Variants in HIF1A observed in about 807,000 individuals in gnomAD.
HIF1A encodes hypoxia-inducible factor 1-alpha.
In HIF1A, 24 loss-of-function variants were observed where a neutral mutation model predicts 92.7. The observed-to-expected ratio is 0.26, with a 90% confidence interval of 0.19 to 0.36. HIF1A has a LOEUF of 0.36. Among genes scored for constraint, HIF1A ranks in the 10% least tolerant of loss-of-function variants. HIF1A has a pLI of 1.00. For synonymous variants in HIF1A, 319 were observed against 338.7 expected (o/e 0.94, Z 0.64); for missense variants, 799 against 998.5 (o/e 0.80, Z 2.69).
intron 8 of HIF1A, among the ~76,000 whole-genome samples, chr14:61,736,347 CT>C (rs1397763162): frequency 1.3e-5 from 2 of 151,840 alleles, no homozygotes; most frequent in African/African-American, 2.4e-5. Flanking sequence ...TTAATTTCAA[CT>C]TTTATTTTTG....
At chr14:61,716,555 C>T (rs1280111211) in intron 1 of HIF1A, among the ~76,000 whole-genome samples, 3 of 151,984 alleles carry the variant, frequency 2.0e-5, no homozygotes, top group Admixed American at 1.3e-4. Flanking sequence ...TTGTGCAATA[C>T]GAAAAGATGA....
intron 1 of HIF1A, among the ~76,000 whole-genome samples, chr14:61,712,661 A>G (rs1004784490): frequency 6.6e-6 from 1 of 150,892 alleles, no homozygotes; most frequent in Non-Finnish European, 1.5e-5. Flanking sequence ...TAATAGTACT[A>G]ACATTGATAT....
chr14:61,740,088 C>CTTTTTT, intron 10 of HIF1A: 1 of 123,226 alleles, frequency 8.1e-6, no homozygotes, highest in Non-Finnish European at 1.6e-5. Flanking sequence ...TTTTTTTTGA[C>CTTTTTT]ATGGAGTCTC....
At chr14:61,733,700 T>TA (rs1212913870) in intron 7 of HIF1A, among the ~76,000 whole-genome samples, 1 of 152,228 alleles carries the variant, frequency 6.6e-6, no homozygotes, top group Non-Finnish European at 1.5e-5. Context: ...CCAAAAGACT[T>TA]ACAATGTGGT....
chr14:61,721,924 A>C, intron 4 of HIF1A, 101 bp downstream of exon 4: 1 of 729,948 alleles, frequency 1.4e-6, no homozygotes, highest in Non-Finnish European at 2.3e-6. Flanking sequence ...ACCCAAGGCA[A>C]AATGTTATTT....
intron 1 of HIF1A, among the ~76,000 whole-genome samples, chr14:61,714,564 C>T (rs1369158270): frequency 1.3e-5 from 2 of 152,142 alleles, no homozygotes. Context: ...AAACCCTTCC[C>T]ACTTAAAAAC....
At chr14:61,723,569 A>T (rs1436528861) in intron 4 of HIF1A, among the ~76,000 whole-genome samples, 2 of 152,204 alleles carry the variant, frequency 1.3e-5, no homozygotes, top group Non-Finnish European at 2.9e-5. Context: ...TGGAAAACAA[A>T]TGCATACTTT....
At chr14:61,718,483 C>T (rs2044388293) in intron 1 of HIF1A, among the ~76,000 whole-genome samples, 1 of 152,152 alleles carries the variant, frequency 6.6e-6, no homozygotes, top group Non-Finnish European at 1.5e-5. Flanking sequence ...ACCCCCCCAT[C>T]CTGGGAATGG....
At chr14:61,722,258 A>T (rs925379278) in intron 4 of HIF1A, among the ~76,000 whole-genome samples, 2 of 152,078 alleles carry the variant, frequency 1.3e-5, no homozygotes, top group African/African-American at 2.4e-5. Flanking sequence ...CTAAATTTTT[A>T]AAAATTATTT....
At chr14:61,728,202 T>A (rs1356432361) in intron 6 of HIF1A, among the ~76,000 whole-genome samples, 2 of 152,200 alleles carry the variant, frequency 1.3e-5, no homozygotes, top group African/African-American at 4.8e-5. Flanking sequence ...TGAGTCTTTT[T>A]TTCCCCAATA....
At chr14:61,721,712 C>T (rs753594213) in intron 3 of HIF1A, 27 bp from the exon 4 acceptor site, 3 of 1,609,446 alleles carry the variant, frequency 1.9e-6, no homozygotes. Context: ...TATGATCTAG[C>T]CCTAATTTTT....
In HIF1A at chr14:61,736,877, T is replaced by C; in HGVS notation, c.1029-12T>C. The C allele has an allele frequency of 6.3e-7, 1 of 1,583,426 alleles. No homozygotes were observed. ...CTCATTTGTGAATTACCAATTTCTCTTGTTTTGACAGTGGTATTATTCAGC... is the reference window on the plus strand; with the variant it reads ...CTCATTTGTGAATTACCAATTTCTCCTGTTTTGACAGTGGTATTATTCAGC... On this transcript the variant is annotated splice_polypyrimidine_tract_variant and intron_variant, in intron 8 of 14. Transcript: ENST00000337138.
At chr14:61,724,377 C>CTCTCTCTCTCTCTCTCTCTA (rs2044475661) in intron 4 of HIF1A, among the ~76,000 whole-genome samples, 2 of 150,624 alleles carry the variant, frequency 1.3e-5, no homozygotes, top group African/African-American at 2.4e-5. Context: ...CTCTCTCTCT[C>CTCTCTCTCTCTCTCTCTCTA]TCTCCCCCTC....
At chr14:61,728,204 T>C (rs1389183727) in intron 6 of HIF1A, among the ~76,000 whole-genome samples, 2 of 152,126 alleles carry the variant, frequency 1.3e-5, no homozygotes, top group Non-Finnish European at 1.5e-5. Context: ...AGTCTTTTTT[T>C]CCCCAATAGG....
At position 61,741,150 on chromosome 14, in the gene HIF1A, A is replaced by C; in HGVS notation, c.2055A>C (p.Pro685=). ...TAGAACAGACAGAAAAATCTCATCC[A>C]AGAAGCCCTAACGTGTTATCTGTCG... The part of the protein sequence containing the change: ...GVIEQTEKSH[P]RSPNVLSVAL... Residue 685 remains proline (P), a synonymous_variant, in exon 12 of 15, where the codon CCA becomes CCC. Transcript: ENST00000337138. The C allele has an allele frequency of 6.2e-7, 1 of 1,612,514 alleles. No individual in the cohort carries two copies. Among genetic ancestry groups the C allele is most frequent in the South Asian group, 1.1e-5 (1 of 90,618 alleles).
At chr14:61,744,515 C>CAA (rs35092820) in intron 12 of HIF1A, among the ~76,000 whole-genome samples, 190 bp from the exon 13 acceptor site, 23,350 of 130,580 alleles carry the variant, frequency 0.18, 3,169 homozygotes, top group African/African-American at 0.41. Flanking sequence ...CGTGTTTCAC[C>CAA]AAAAAAAAAA....
At chr14:61,728,108 T>C (rs930152158) in intron 6 of HIF1A, among the ~76,000 whole-genome samples, 17 of 152,234 alleles carry the variant, frequency 1.1e-4, no homozygotes, top group African/African-American at 4.1e-4. Context: ...AGATTAACTT[T>C]GTAAATTAAT....
intron 14 of HIF1A, 81 bp downstream of exon 14, chr14:61,745,898 G>A (rs2044777219): frequency 7.9e-7 from 1 of 1,265,300 alleles, no homozygotes; most frequent in Non-Finnish European, 1.1e-6. Context: ...TAATCTAAGT[G>A]AGAATGACTT....
intron 1 of HIF1A, chr14:61,697,929 T>G: frequency 6.6e-7 from 1 of 1,519,650 alleles, no homozygotes; most frequent in Non-Finnish European, 8.8e-7. Flanking sequence ...ACCTGAAGAA[T>G]TGGAAGAAAT....
Sources: allele counts gnomAD v4.1 joint callset (sites outside exome capture counted in the v4.1 genomes callset), GRCh38; gene constraint gnomAD v4.1.1; transcripts MANE v1.5; gene names NCBI Gene and HGNC (gene_info 2026-07-23, HGNC 2026-07-21).